The following OPLAH variants were observed in gnomAD, a reference collection of about 807,000 sequenced individuals.
OPLAH encodes the protein 5-oxoprolinase, ATP-hydrolysing, also known as 5-oxoprolinase.
Under a neutral mutation model 122.8 loss-of-function variants are expected in OPLAH, and 103 were observed. The ratio of observed to expected loss-of-function variants is 0.84; its 90% CI spans 0.71 to 0.99. The LOEUF (loss-of-function observed/expected upper bound fraction) is 0.99, where lower values mean the gene tolerates loss of function less well. OPLAH is among the 50% of genes least tolerant of loss of function. OPLAH has a pLI of 0.00. For missense variants in OPLAH, 1,902 were observed against 1,836.5 expected (o/e 1.04, Z -0.65); for synonymous variants, 875 against 796.0 (o/e 1.10, Z -1.67).
In OPLAH at chr8:144,053,095, C is replaced by A. The variant is rs782222600; in HGVS notation, c.2906G>T (p.Arg969Leu). ...GGCCTGCCGGGAGGTTCCAAAGGCACGCAACATGTCTCGCACGGCCAGCTC... is the reference window on the plus strand; with the variant it reads ...GGCCTGCCGGGAGGTTCCAAAGGCAAGCAACATGTCTCGCACGGCCAGCTC... ...NAELAVRDML[R>L]AFGTSRQARG... Residue 969 changes from arginine to leucine, a missense_variant, in exon 21 of 27, where the codon CGT (arginine) becomes CTT (leucine). By Grantham distance (102) the Arg-to-Leu change is moderately radical. Transcript: ENST00000618853. The A allele has an allele frequency of 1.2e-6, 2 of 1,606,206 alleles. No individual in the cohort carries two copies. Among genetic ancestry groups the A allele is most frequent in the Non-Finnish European group, 1.7e-6 (2 of 1,176,964 alleles).
chr8:144,057,948 G>A (rs1554759759), intron 8 of OPLAH, 25 bp from the exon 9 acceptor site: 3 of 1,611,906 alleles, frequency 1.9e-6, no homozygotes, highest in East Asian at 2.2e-5. Context: ...GGCTGGGGTT[G>A]GAGTTGGACA....
In OPLAH at chr8:144,060,115, AC is replaced by A. The variant is rs1469900879; in HGVS notation, c.-53-31del. The A allele has an allele frequency of 6.2e-6, 9 of 1,462,350 alleles. No homozygotes were observed. In the Admixed American group the frequency reaches 1.1e-4, roughly 18 times the overall value. The allele number at this position is 1,462,350 out of a possible 1,614,324, so 90.6% of individuals were successfully genotyped here. A position where few individuals can be genotyped will look rare whatever the true frequency, so the allele number is the denominator to read the frequency against. On this transcript the variant is annotated intron_variant, in intron 1 of 26. Transcript: ENST00000618853. ...ACGGAGGCGGGGTCAGCCCGGGCTC[AC>A]CTGCGAGTGGGACTAGAGGCTCCCC... is the stretch of plus-strand genomic sequence containing the variant.
Position 144,056,626 on chromosome 8 carries a change from A to C in OPLAH, c.1836T>G (p.Phe612Leu). 1 of 1,612,148 alleles carries C rather than the reference A, an allele frequency of 6.2e-7. No homozygotes were observed. Among genetic ancestry groups the C allele is most frequent in the African/African-American group, 1.3e-5 (1 of 74,988 alleles). ...SPRAGDFGAA[F>L]VERYMREFGF... ...GTCAGGAAGCCACGTACCGCTCCAC[A>C]AAGGCTGCCCCGAAGTCCCCCGCAC... Residue 612 changes from phenylalanine (F) to leucine (L), a missense_variant, in exon 13 of 27, where the codon TTT becomes TTG. By Grantham distance (22) the Phe-to-Leu change is conservative. Transcript: ENST00000618853.
At position 144,056,634 on chromosome 8, in the gene OPLAH, C is replaced by A; in HGVS notation, c.1828G>T (p.Ala610Ser). The change falls in exon 13 of 27, where the codon GCA becomes TCA. Residue 610 changes from alanine to serine, a missense_variant. Transcript: ENST00000618853. The stretch of plus-strand genomic sequence containing the variant: ...GCCACGTACCGCTCCACAAAGGCTG[C>A]CCCGAAGTCCCCCGCACGGGGCGAG... Reference protein sequence around the residue: ...ARSPRAGDFGAAFVERYMREF... With the variant: ...ARSPRAGDFGSAFVERYMREF... The A allele has an allele frequency of 5.6e-6, 9 of 1,612,222 alleles. No homozygotes were observed. Among genetic ancestry groups the A allele is most frequent in the Non-Finnish European group, 7.6e-6 (9 of 1,179,766 alleles).
chr8:144,060,209 C>A, intron 1 of OPLAH, 124 bp from the exon 2 acceptor site: 1 of 724,528 alleles, frequency 1.4e-6, no homozygotes. Flanking sequence ...GAGCCAGAGC[C>A]GCAGGCCCAG....
chr8:144,061,841 TAA>T (rs1835669089), upstream of OPLAH, among the ~76,000 whole-genome samples: 5 of 151,996 alleles, frequency 3.3e-5, 1 homozygote, highest in Admixed American at 3.3e-4. Context: ...GCCAACATGG[TAA>T]AATCTGTCTC....
At position 144,055,272 on chromosome 8, in the gene OPLAH, G is replaced by T. The variant is rs1276414682; in HGVS notation, c.2249-83C>A. 2.9e-6 allele frequency: 4 copies of T among 1,390,638 alleles called. No individual in the cohort carries two copies. The highest frequency in any genetic ancestry group is 3.8e-6 in the Non-Finnish European group (4 of 1,057,002). 86.1% of individuals were successfully genotyped at this position (1,390,638 alleles called of 1,614,324 possible). A position where few individuals can be genotyped will look rare whatever the true frequency, so the allele number is the denominator to read the frequency against. On this transcript the variant is annotated intron_variant, in intron 16 of 26. Coordinates refer to ENST00000618853, the MANE Select transcript of OPLAH (RefSeq NM_017570.5). This position sits in a 1 kb window ranked among gnomAD's most constrained non-coding sequence, Gnocchi z 6.5. ...GAAAGGGAGGAACAGGACCCACCAG[G>T]ACTCAAACCCAGGACCCAGGAAAAA...
Position 144,053,093 on chromosome 8 carries a change from C to A in OPLAH, c.2908G>T (p.Ala970Ser). 7 of 1,606,216 alleles carry A rather than the reference C, an allele frequency of 4.4e-6. No individual in the cohort carries two copies. Among genetic ancestry groups the A allele is most frequent in the Non-Finnish European group, 5.9e-6 (7 of 1,176,990 alleles). ...AELAVRDMLRAFGTSRQARGL... is the reference protein window; with the variant it reads ...AELAVRDMLRSFGTSRQARGL... ...CGGGCCTGCCGGGAGGTTCCAAAGG[C>A]ACGCAACATGTCTCGCACGGCCAGC... The change falls in exon 21 of 27, where the codon GCC becomes TCC. Residue 970 changes from alanine (A) to serine (S), a missense_variant. Ala to Ser is a moderately conservative substitution (Grantham distance 99). This residue lies in a region of OPLAH where 1,726 missense variants were observed against 1,642.1 expected (regional missense o/e 1.05). Transcript: ENST00000618853.
At chr8:144,054,216 C>T (rs1835454347) in intron 19 of OPLAH, among the ~76,000 whole-genome samples, 1 of 152,092 alleles carries the variant, frequency 6.6e-6, no homozygotes, top group African/African-American at 2.4e-5. Flanking sequence ...CTGCCCCTGC[C>T]CTGCTGTTTC....
At chr8:144,060,146 C>G (rs1554760604) in intron 1 of OPLAH, 61 bp from the exon 2 acceptor site, 1 of 1,219,640 alleles carries the variant, frequency 8.2e-7, no homozygotes. Context: ...CTCCCCAGCC[C>G]TGCGCATGCG....
Position 144,057,541 on chromosome 8 carries a change from G to A in OPLAH, c.1329C>T (p.Cys443=). The stretch of plus-strand genomic sequence containing the variant: ...CCTCCAGGCTCAGCGGGGAGGCCGG[G>A]CAGGGCCCGTTGGTCAGGAAGCTGT... ...EVNSFLTNGP[C]PASPLSLEEV... The change falls in exon 10 of 27, where the codon TGC becomes TGT. Residue 443 remains cysteine (C), a synonymous_variant. Coordinates refer to ENST00000618853, the MANE Select transcript of OPLAH (RefSeq NM_017570.5). The A allele has an allele frequency of 1.3e-6, 2 of 1,592,872 alleles. No homozygotes were observed. Among genetic ancestry groups the A allele is most frequent in the Non-Finnish European group, 8.5e-7 (1 of 1,170,468 alleles).
chr8:144,059,825 C>T (rs946940736), intron 2 of OPLAH, 35 bp from the exon 3 acceptor site: 11 of 1,610,844 alleles, frequency 6.8e-6, no homozygotes, highest in Middle Eastern at 3.3e-4. Context: ...GGCTTCTGGC[C>T]GTGGGGTCCC....
rs1220669021 is a variant in OPLAH at position 144,059,850 on chromosome 8, G to A, written c.171+12C>T. 12 of 1,612,322 alleles carry A rather than the reference G, an allele frequency of 7.4e-6. No homozygotes were observed. The highest frequency in any genetic ancestry group is 4.4e-5 in the South Asian group (4 of 91,078). ...CGTGGGGTCCCTGTCCACCCGCTCC[G>A]CCCTGGCCCACCTGCTCCAGGATGC... On this transcript the variant is annotated intron_variant, in intron 2 of 26. Transcript: ENST00000618853.
In OPLAH at chr8:144,051,597, G is replaced by A. The variant is rs996895090; in HGVS notation, c.3721-125C>T. ...CGCCCCCATGGACCACGGAGGCCCG[G>A]TACGCGCCCCCTTTCCTTCCGGGGC... is the stretch of plus-strand genomic sequence containing the variant. On this transcript the variant is annotated intron_variant, in intron 26 of 26. Coordinates refer to ENST00000618853, the MANE Select transcript of OPLAH (RefSeq NM_017570.5). 35 of 1,159,564 alleles carry A rather than the reference G, an allele frequency of 3.0e-5. No homozygotes were observed. In the South Asian group the frequency reaches 4.6e-4, roughly 15 times the overall value. The allele number at this position is 1,159,564 out of a possible 1,614,324, so 71.8% of individuals were successfully genotyped here.
At position 144,057,141 on chromosome 8, in the gene OPLAH, A is replaced by C. The variant is rs782730942; in HGVS notation, c.1536-23T>G. The C allele has an allele frequency of 9.4e-6, 15 of 1,594,504 alleles. No individual in the cohort carries two copies. The Admixed American group carries it at 2.5e-4, about 26-fold the overall frequency. ...TGCCTGCAGGGATGGGCAGCATGGC[A>C]ATGGGAGGTCACCTCCCAAGCCCGG... On this transcript the variant is annotated intron_variant, in intron 11 of 26. Coordinates refer to ENST00000618853, the MANE Select transcript of OPLAH (RefSeq NM_017570.5).
chr8:144,052,310 A>G lies in OPLAH; in HGVS notation c.3320T>C (p.Val1107Ala), dbSNP rs1235234320. ...GCCCATGTGGGCGTTGCCCAGGGTCACGTTGTTCATGCAGCCCTGGTGAGG... is the reference window on the plus strand; with the variant it reads ...GCCCATGTGGGCGTTGCCCAGGGTCGCGTTGTTCATGCAGCCCTGGTGAGG... Reference protein sequence around the residue: ...CAASQGCMNNVTLGNAHMGYY... With the variant: ...CAASQGCMNNATLGNAHMGYY... The change falls in exon 24 of 27, where the codon GTG becomes GCG. Residue 1107 changes from valine to alanine, a missense_variant. Physicochemically the swap from Val to Ala is moderately conservative, Grantham distance 64. Transcript: ENST00000618853. 1.3e-6 allele frequency: 2 copies of G among 1,527,896 alleles called. No individual in the cohort carries two copies. The highest frequency in any genetic ancestry group is 2.8e-5 in the African/African-American group (2 of 72,570). The allele number at this position is 1,527,896 out of a possible 1,614,324, so 94.6% of individuals were successfully genotyped here. A position where few individuals can be genotyped will look rare whatever the true frequency, so the allele number is the denominator to read the frequency against.
chr8:144,059,888 C>G lies in OPLAH; in HGVS notation c.145G>C (p.Glu49Gln), dbSNP rs782616822. The change falls in exon 2 of 27, where the codon GAA (glutamate) becomes CAA (glutamine). Residue 49 changes from glutamate to glutamine, a missense_variant. Physicochemically the swap from Glu to Gln is conservative, Grantham distance 29. This residue lies in a region of OPLAH where 168 missense variants were observed against 170.6 expected (regional missense o/e 0.98). Transcript: ENST00000618853. ...DPANYADAPTEGIRRILEQEA... is the reference protein window; with the variant it reads ...DPANYADAPTQGIRRILEQEA... ...TGCTCCAGGATGCGGCGGATGCCTT[C>G]GGTTGGCGCGTCCGCATAGTTGGCA... 1 of 1,612,748 alleles carries G rather than the reference C, an allele frequency of 6.2e-7. No homozygotes were observed. The highest frequency in any genetic ancestry group is 1.3e-5 in the African/African-American group (1 of 75,068).
intron 6 of OPLAH, 23 bp downstream of exon 6, chr8:144,058,473 G>T: frequency 6.3e-7 from 1 of 1,576,556 alleles, no homozygotes; most frequent in Non-Finnish European, 8.6e-7. Context: ...GGAGTGGGCA[G>T]TGGGGGTGCC....
rs1554757584 is a variant in OPLAH at position 144,051,331 on chromosome 8, C to T, written c.3862G>A (p.Val1288Met). The change falls in exon 27 of 27, where the codon GTG becomes ATG. Residue 1288 changes from valine to methionine, a missense_variant. This residue lies in a region of OPLAH where 1,726 missense variants were observed against 1,642.1 expected (regional missense o/e 1.05). Transcript: ENST00000618853. ...VYEYRRAQEA[V>M] ...GCATCTTTATTGCGGGATCCTCACA[C>T]GGCCTCCTGGGCCCGGCGATACTCA... 2.5e-6 allele frequency: 4 copies of T among 1,611,540 alleles called. No homozygotes were observed. Among genetic ancestry groups the T allele is most frequent in the Non-Finnish European group, 2.5e-6 (3 of 1,179,366 alleles).
Sources: gnomAD v4.1 joint callset for allele counts (sites outside exome capture counted in the v4.1 genomes callset) on GRCh38, gnomAD v4.1.1 for gene constraint, gnomAD v4.1.1 regional missense constraint, Gnocchi (gnomAD v3.1) non-coding constraint, MANE v1.5 for transcripts, NCBI Gene and HGNC (gene_info 2026-07-23, HGNC 2026-07-21) for gene names.